The following SNAP47 variants were observed in gnomAD, a reference collection of about 807,000 sequenced individuals.
SNAP47 encodes the protein synaptosomal-associated protein 47.
SNAP47 carries 20 observed loss-of-function variants against 31.4 expected under a neutral mutation model. That is an observed-to-expected ratio of 0.64 (90% confidence interval 0.45 to 0.93). The LOEUF is 0.93. Ranked by LOEUF, SNAP47 falls within the 40% of genes least tolerant of loss-of-function variation. The pLI is 0.00. For missense variants in SNAP47, 492 were observed against 528.5 expected (o/e 0.93, Z 0.68); for synonymous variants, 194 against 213.4 (o/e 0.91, Z 0.79).
Position 227,747,938 on chromosome 1 carries a change from A to G in SNAP47, c.202A>G (p.Ile68Val), listed in dbSNP as rs138895226. 489 of 1,614,090 alleles carry G rather than the reference A, an allele frequency of 3.0e-4. No individual in the cohort carries two copies. Among genetic ancestry groups the G allele is most frequent in the Non-Finnish European group, 3.9e-4 (459 of 1,179,988 alleles). ...KEASHFIFSS[I>V]TILEKGHAKH... ...GGCTTCACATTTTATCTTCAGCTCC[A>G]TCACCATCCTGGAGAAGGGCCATGC... Residue 68 changes from isoleucine (I) to valine (V), a missense_variant, in exon 2 of 5, where the codon ATC becomes GTC. Physicochemically the swap from Ile to Val is conservative, Grantham distance 29 (BLOSUM62 3). Transcript: ENST00000617596.
chr1:227,739,766 G>A (rs1661467285), intron 1 of SNAP47, among the ~76,000 whole-genome samples: 1 of 152,210 alleles, frequency 6.6e-6, no homozygotes, highest in Non-Finnish European at 1.5e-5. Context: ...CCCCAAGAGC[G>A]TCACTTGTGT....
chr1:227,734,001 G>A (rs137979428), upstream of SNAP47: 1 of 1,613,798 alleles, frequency 6.2e-7, no homozygotes, highest in East Asian at 2.2e-5. Flanking sequence ...AAGTACACAG[G>A]CAGGGTGAAA....
chr1:227,743,244 G>C (rs80129315), intron 1 of SNAP47, among the ~76,000 whole-genome samples: 2,195 of 152,270 alleles, frequency 0.014, 49 homozygotes, highest in African/African-American at 0.05. Context: ...GCCCACCCAC[G>C]GATCTGCTTG....
chr1:227,730,159 G>A (rs1416250986), upstream of SNAP47, among the ~76,000 whole-genome samples: 1 of 152,168 alleles, frequency 6.6e-6, no homozygotes, highest in African/African-American at 2.4e-5. Context: ...AAAGGGCAGG[G>A]GCTAACCACC....
chr1:227,758,330 A>G (rs1210096701), intron 2 of SNAP47, among the ~76,000 whole-genome samples: 1 of 152,200 alleles, frequency 6.6e-6, no homozygotes, highest in Non-Finnish European at 1.5e-5. Flanking sequence ...TCATCCTGCA[A>G]GACGTGCCGG....
At chr1:227,752,879 G>A (rs1321238273) in intron 2 of SNAP47, among the ~76,000 whole-genome samples, 1 of 152,196 alleles carries the variant, frequency 6.6e-6, no homozygotes, top group Non-Finnish European at 1.5e-5. Flanking sequence ...TCAATGCCTT[G>A]TGGCCTTCTG....
At chr1:227,737,134 G>A (rs767689596) in intron 1 of SNAP47, among the ~76,000 whole-genome samples, 1 of 152,368 alleles carries the variant, frequency 6.6e-6, no homozygotes, top group African/African-American at 2.4e-5. Flanking sequence ...GGACACGAAA[G>A]TGGGGCCATG....
intron 4 of SNAP47, among the ~76,000 whole-genome samples, chr1:227,777,802 A>G (rs969489409): frequency 1.3e-5 from 2 of 152,142 alleles, no homozygotes; most frequent in Non-Finnish European, 2.9e-5. Flanking sequence ...CCTCCCTTGG[A>G]TGTCCCAGGG....
chr1:227,767,156 C>A lies in SNAP47; in HGVS notation c.1113+73C>A. ...CCCGCAGGCTGCTCCTCTTGCCTTT[C>A]TGATCACAAACAAGCTCTGGGTCAT... On this transcript the variant is annotated intron_variant, in intron 4 of 4. Coordinates refer to ENST00000617596, the MANE Select transcript of SNAP47 (RefSeq NM_053052.4). 6 of 1,579,980 alleles carry A rather than the reference C, an allele frequency of 3.8e-6. No individual in the cohort carries two copies. In the South Asian group the frequency reaches 4.6e-5, roughly 12 times the overall value.
chr1:227,761,078 T>C (rs1160490992), intron 3 of SNAP47, among the ~76,000 whole-genome samples: 1 of 152,244 alleles, frequency 6.6e-6, no homozygotes, highest in East Asian at 1.9e-4. Flanking sequence ...GACATGTACG[T>C]CCACACTATA....
At chr1:227,754,308 C>G (rs939256867) in intron 2 of SNAP47, among the ~76,000 whole-genome samples, 1 of 152,246 alleles carries the variant, frequency 6.6e-6, no homozygotes, top group Non-Finnish European at 1.5e-5. Context: ...CTCTTGAGGT[C>G]TGGCCACCTG....
At chr1:227,755,127 A>G (rs142759421) in intron 2 of SNAP47, among the ~76,000 whole-genome samples, 6 of 152,324 alleles carry the variant, frequency 3.9e-5, no homozygotes, top group African/African-American at 1.2e-4. Context: ...GCGGCCACCT[A>G]TAAGACCTAA....
rs1017725368 is a variant in SNAP47, at chr1:227,776,476, A to G, written c.1114-4051A>G. 1.5e-5 allele frequency: 15 copies of G among 985,736 alleles called. No individual in the cohort carries two copies. In the African/African-American group the frequency reaches 2.3e-4, roughly 15 times the overall value. 61.1% of individuals were successfully genotyped at this position (985,736 alleles called of 1,614,324 possible). On this transcript the variant is annotated intron_variant, in intron 4 of 4. Coordinates refer to ENST00000617596, the MANE Select transcript of SNAP47 (RefSeq NM_053052.4). ...CTGATTTGCGCCTCGCCTCTGACTC[A>G]GAGCCCATGAAGGTTCCTGTGTGAG...
chr1:227,730,322 G>A (rs1660558981), upstream of SNAP47: 1 of 152,184 alleles, frequency 6.6e-6, no homozygotes, highest in Non-Finnish European at 1.5e-5. Flanking sequence ...ATCCCAGGGC[G>A]GCATACTTGG....
intron 2 of SNAP47, 60 bp from the exon 3 acceptor site, chr1:227,758,935 A>C (rs960239289): frequency 5.9e-6 from 9 of 1,519,586 alleles, no homozygotes; most frequent in Non-Finnish European, 7.0e-6. Flanking sequence ...TCCAAAAAAA[A>C]AGGTATTACT....
upstream of SNAP47, chr1:227,730,365 C>A (rs187821336): frequency 9.2e-5 from 14 of 152,290 alleles, no homozygotes; most frequent in African/African-American, 2.9e-4. Flanking sequence ...CTTCAAACTG[C>A]TGTCTAGCCA....
chr1:227,735,811 G>A (rs1661099390), intron 1 of SNAP47: 1 of 808,336 alleles, frequency 1.2e-6, no homozygotes, highest in Non-Finnish European at 1.5e-6. Context: ...GAGATGGTGG[G>A]GACCTGGAGA....
At chr1:227,730,468 G>C (rs1307051344), upstream of SNAP47, 3 of 151,324 alleles carry the variant, frequency 2.0e-5, no homozygotes, top group African/African-American at 7.3e-5. Flanking sequence ...TGCAAAAGGA[G>C]TCATGGTCAT....
intron 4 of SNAP47, among the ~76,000 whole-genome samples, chr1:227,777,469 C>A (rs1165640029): frequency 6.6e-6 from 1 of 152,194 alleles, no homozygotes; most frequent in South Asian, 2.1e-4. Flanking sequence ...TGGTCCTGAT[C>A]TCCATGTGGC....
Sources: allele counts gnomAD v4.1 joint callset (sites outside exome capture counted in the v4.1 genomes callset), GRCh38; gene constraint gnomAD v4.1.1; transcripts MANE v1.5; gene names NCBI Gene and HGNC (gene_info 2026-07-23, HGNC 2026-07-21).